MYO3A: variants seen among roughly 807,000 people sequenced by gnomAD.
MYO3A encodes myosin-IIIa.
Under a neutral mutation model 192.7 loss-of-function variants are expected in MYO3A, and 180 were observed. That is an observed-to-expected ratio of 0.93 (90% CI 0.83 to 1.06). MYO3A has a LOEUF of 1.06. Ranked by LOEUF, MYO3A falls within the 50% of genes least tolerant of loss-of-function variation. The pLI, the probability that MYO3A is intolerant of heterozygous loss-of-function variation, is 0.00. For missense variants in MYO3A, 1,896 were observed against 1,905.0 expected, an observed-to-expected ratio of 1.00 and a Z score of 0.09; for synonymous variants, 628 against 645.3, an observed-to-expected ratio of 0.97 and a Z score of 0.41.
chr10:25,947,266 G>T, intron 2 of MYO3A, among the ~76,000 whole-genome samples: 1 of 149,464 alleles, frequency 6.7e-6, no homozygotes, highest in South Asian at 2.1e-4. Flanking sequence ...TTTCCATTTG[G>T]TTCTGTTTAA....
intron 17 of MYO3A, among the ~76,000 whole-genome samples, chr10:26,110,505 C>G (rs930552101): frequency 6.6e-6 from 1 of 151,860 alleles, no homozygotes; most frequent in Non-Finnish European, 1.5e-5. Context: ...TCCCTCCCTC[C>G]AAAAAAAATT....
intron 26 of MYO3A, among the ~76,000 whole-genome samples, chr10:26,162,141 C>T (rs1054700020): frequency 1.3e-5 from 2 of 152,178 alleles, no homozygotes; most frequent in Admixed American, 1.3e-4. Context: ...GTGTCTGAGG[C>T]ACCTAGAAGG....
intron 6 of MYO3A, among the ~76,000 whole-genome samples, chr10:26,003,240 T>A (rs1284106647): frequency 6.6e-6 from 1 of 152,232 alleles, no homozygotes; most frequent in African/African-American, 2.4e-5. Context: ...ACCATTATTA[T>A]GAGATAATAT....
rs60099269 is a variant in MYO3A at position 26,081,133 on chromosome 10, T to TCCCCCC, written c.1360-7063_1360-7058dup. Among the ~76,000 whole-genome samples the TCCCCCC allele has an allele frequency of 5.8e-4, 49 of 84,934 alleles. 6 individuals are homozygous for TCCCCCC. Among genetic ancestry groups the TCCCCCC allele is most frequent in the South Asian group, 1.6e-3 (3 of 1,820 alleles). 55.7% of individuals were successfully genotyped at this position (84,934 alleles called of 152,430 possible). A position where few individuals can be genotyped will look rare whatever the true frequency, so the allele number is the denominator to read the frequency against. On this transcript the variant is annotated intron_variant, in intron 14 of 34. Coordinates refer to ENST00000642920, the MANE Select transcript of MYO3A (RefSeq NM_017433.5). ...TAGAATTCCCAAGATTATATGCCCT[T>TCCCCCC]CCCCCCCCCCCCGCCCCCGCTACCA...
chr10:25,940,425 A>G (rs977825728), intron 2 of MYO3A, among the ~76,000 whole-genome samples: 1 of 152,068 alleles, frequency 6.6e-6, no homozygotes, highest in Non-Finnish European at 1.5e-5. Context: ...CCTGAACTAT[A>G]TGAGGAACGT....
intron 19 of MYO3A, among the ~76,000 whole-genome samples, chr10:26,126,160 T>C (rs978435423): frequency 1.3e-5 from 2 of 152,214 alleles, no homozygotes; most frequent in Admixed American, 1.3e-4. Flanking sequence ...TATCTGACTG[T>C]AAGTCTAGAT....
intron 2 of MYO3A, among the ~76,000 whole-genome samples, chr10:25,945,139 ATT>A (rs2130462359): frequency 6.6e-6 from 1 of 151,990 alleles, no homozygotes; most frequent in Non-Finnish European, 1.5e-5. Flanking sequence ...AATTTCTTCT[ATT>A]GGTTGTTTAA....
At chr10:26,089,901 G>C (rs1288977465) in intron 15 of MYO3A, among the ~76,000 whole-genome samples, 1 of 152,170 alleles carries the variant, frequency 6.6e-6, no homozygotes, top group Non-Finnish European at 1.5e-5. Context: ...GCCATTAGTA[G>C]TAATAGTAGT....
rs1564593895 is a variant in MYO3A at position 26,145,483 on chromosome 10, G to C, written c.2454G>C (p.Trp818Cys). ...GTAACCTGAAATCACAATACTTCTG[G>C]AGACCCAAAAGAATGGAACTTAGTT... ...FEGNLKSQYF[W>C]RPKRMELSFG... The change falls in exon 22 of 35, where the codon TGG becomes TGC. Residue 818 changes from tryptophan (W) to cysteine (C), a missense_variant. By Grantham distance (215) the Trp-to-Cys change is radical. Coordinates refer to ENST00000642920, the MANE Select transcript of MYO3A (RefSeq NM_017433.5). 6.2e-7 allele frequency: 1 copy of C among 1,610,442 alleles called. No individual in the cohort carries two copies. Among genetic ancestry groups the C allele is most frequent in the East Asian group, 2.2e-5 (1 of 44,798 alleles).
intron 4 of MYO3A, among the ~76,000 whole-genome samples, chr10:25,995,411 C>A (rs975265816): frequency 2.0e-5 from 3 of 152,082 alleles, no homozygotes; most frequent in Non-Finnish European, 2.9e-5. Flanking sequence ...TTTGTCTAAT[C>A]TTTTTTCAAG....
chr10:26,065,237 T>C (rs945316465), intron 10 of MYO3A, among the ~76,000 whole-genome samples: 6 of 152,162 alleles, frequency 3.9e-5, no homozygotes, highest in African/African-American at 1.2e-4. Flanking sequence ...TAAAGGTCAA[T>C]AGAGTCCTTA....
chr10:25,973,245 C>T (rs550762271), intron 4 of MYO3A, among the ~76,000 whole-genome samples: 23 of 152,016 alleles, frequency 1.5e-4, no homozygotes, highest in Admixed American at 4.6e-4. Context: ...TTGTAGCAAT[C>T]GTGAATGGGA....
chr10:26,083,029 T>C (rs1836068521), intron 14 of MYO3A, among the ~76,000 whole-genome samples: 1 of 152,228 alleles, frequency 6.6e-6, no homozygotes, highest in African/African-American at 2.4e-5. Flanking sequence ...TCACAGATAG[T>C]AGACCGCAGC....
intron 32 of MYO3A, among the ~76,000 whole-genome samples, chr10:26,193,792 T>G (rs1843269376): frequency 6.6e-6 from 1 of 152,218 alleles, no homozygotes; most frequent in South Asian, 2.1e-4. Flanking sequence ...CCTGAATGTA[T>G]TATCCATATC....
At chr10:26,162,650 G>T (rs774873352) in intron 26 of MYO3A, among the ~76,000 whole-genome samples, 2 of 152,174 alleles carry the variant, frequency 1.3e-5, no homozygotes, top group Non-Finnish European at 2.9e-5. Flanking sequence ...CAAAGCATTT[G>T]ATGCAGTTTT....
intron 6 of MYO3A, among the ~76,000 whole-genome samples, chr10:26,008,044 A>C (rs932369659): frequency 1.3e-5 from 2 of 149,848 alleles, no homozygotes; most frequent in African/African-American, 2.5e-5. Context: ...GATATAGATC[A>C]ATGGAACAGA....
Position 26,168,894 on chromosome 10 carries a change from T to C in MYO3A, c.3274+20T>C. 1 of 1,595,932 alleles carries C rather than the reference T, an allele frequency of 6.3e-7. No homozygotes were observed. Among genetic ancestry groups the C allele is most frequent in the Non-Finnish European group, 8.6e-7 (1 of 1,167,614 alleles). ...AGTCAGGTAATCTCTTTGACATATT[T>C]AGATATGGTCATAAAATCAAATCTT... On this transcript the variant is annotated intron_variant, in intron 28 of 34. Coordinates refer to ENST00000642920, the MANE Select transcript of MYO3A (RefSeq NM_017433.5).
chr10:26,156,238 C>T (rs1176883592), intron 25 of MYO3A, among the ~76,000 whole-genome samples: 1 of 152,198 alleles, frequency 6.6e-6, no homozygotes, highest in Non-Finnish European at 1.5e-5. Flanking sequence ...GGAAGCCATG[C>T]AAATTCAGAG....
chr10:26,098,848 T>C (rs748743071), intron 17 of MYO3A, among the ~76,000 whole-genome samples: 40 of 152,232 alleles, frequency 2.6e-4, no homozygotes, highest in Non-Finnish European at 4.6e-4. Context: ...GGTAGCATGA[T>C]GCCTCCAGCT....
Sources: allele counts gnomAD v4.1 joint callset (sites outside exome capture counted in the v4.1 genomes callset), GRCh38; gene constraint gnomAD v4.1.1; transcripts MANE v1.5; gene names NCBI Gene and HGNC (gene_info 2026-07-23, HGNC 2026-07-21).